Variants in BAG6 observed in about 807,000 individuals in gnomAD.
The protein encoded by BAG6 is BAG cochaperone 6.
In BAG6, 22 loss-of-function variants were observed where a neutral mutation model predicts 121.0. The observed-to-expected ratio is 0.18, with a 90% CI of 0.13 to 0.26. The LOEUF is 0.26. Among genes scored for constraint, BAG6 ranks in the 10% least tolerant of loss-of-function variants. The pLI, the probability that BAG6 is intolerant of heterozygous loss-of-function variation, is 1.00. For synonymous variants in BAG6, 583 were observed against 584.6 expected (o/e 1.00, Z 0.04); for missense variants, 1,233 against 1,537.7 (o/e 0.80, Z 3.31).
chr6:31,642,533 G>A (rs1783960870), intron 15 of BAG6, 130 bp from the exon 16 acceptor site: 3 of 638,094 alleles, frequency 4.7e-6, no homozygotes, highest in South Asian at 1.9e-5. Context: ...GATCTTCACT[G>A]CTTAAAGCAG....
chr6:31,645,534 G>C lies in BAG6; in HGVS notation c.989C>G (p.Thr330Ser), dbSNP rs1323798594. 1 of 1,613,038 alleles carries C rather than the reference G, an allele frequency of 6.2e-7. No individual in the cohort carries two copies. The highest frequency in any genetic ancestry group is 8.5e-7 in the Non-Finnish European group (1 of 1,180,062). The change falls in exon 9 of 26, where the codon ACC (threonine) becomes AGC (serine). Residue 330 changes from threonine to serine, a missense_variant. By Grantham distance (58) the Thr-to-Ser change is moderately conservative (BLOSUM62 1). This residue lies in a region of BAG6 where 777 missense variants were observed against 861.4 expected (regional missense o/e 0.90). Transcript: ENST00000676615. ...GCGCAGGTCAGACAGTGCAACAAAG[G>C]TGTTGCCCAGCAGTCGCAGGCTCTC... ...VGESLRLLGN[T>S]FVALSDLRCN...
intron 25 of BAG6, 93 bp from the exon 26 acceptor site, chr6:31,639,319 TCC>T: frequency 1.4e-6 from 2 of 1,419,656 alleles, no homozygotes; most frequent in South Asian, 1.2e-5. Flanking sequence ...AGCTAACATT[TCC>T]CCCCCCAAGC....
At chr6:31,651,827 A>C in intron 1 of BAG6, 51 bp from the exon 2 acceptor site, 3 of 1,361,624 alleles carry the variant, frequency 2.2e-6, no homozygotes, top group South Asian at 1.2e-5. Flanking sequence ...ACCAGAGTGT[A>C]CCCGAAAGAC....
At chr6:31,648,613 C>G (rs1792843810) in intron 6 of BAG6, 64 bp downstream of exon 6, 2 of 1,547,328 alleles carry the variant, frequency 1.3e-6, no homozygotes, top group African/African-American at 1.4e-5. Flanking sequence ...AGCCCTAACT[C>G]CCAGGCTGAG....
intron 7 of BAG6, among the ~76,000 whole-genome samples, chr6:31,646,780 T>TG (rs1163493642): frequency 9.8e-5 from 13 of 132,698 alleles, no homozygotes; most frequent in East Asian, 4.3e-4. Flanking sequence ...TTTTTTTTTT[T>TG]TTTTTTTTTT....
In BAG6 at chr6:31,640,477, G is replaced by C; in HGVS notation, c.3046C>G (p.Arg1016Gly). Residue 1016 changes from arginine (R) to glycine (G), a missense_variant, in exon 23 of 26, where the codon CGA becomes GGA. By Grantham distance (125) the Arg-to-Gly change is moderately radical. This residue lies in a region of BAG6 where 288 missense variants were observed against 483.1 expected (regional missense o/e 0.60). Coordinates refer to ENST00000676615, the MANE Select transcript of BAG6 (RefSeq NM_001387994.1). This position sits in a 1 kb window ranked among gnomAD's most constrained non-coding sequence, Gnocchi z 4.2. ...PGTTAEEAMS[R>G]GPPPAPEGGS... is the part of the protein sequence containing the mutation. ...CCCTCAGGAGCAGGAGGTGGACCTC[G>C]GGACATGGCCTCTTCTGCTGTTGTT... 1.2e-6 allele frequency: 2 copies of C among 1,613,202 alleles called. No individual in the cohort carries two copies. The highest frequency in any genetic ancestry group is 1.1e-5 in the South Asian group (1 of 91,078).
At chr6:31,650,665 C>CAAAAAAAA (rs1159426518) in intron 2 of BAG6, among the ~76,000 whole-genome samples, 1 of 76,626 alleles carries the variant, frequency 1.3e-5, no homozygotes, top group Non-Finnish European at 2.7e-5. Context: ...AACTCCATCT[C>CAAAAAAAA]AAAAAAAAAA....
rs1796897022 is a variant in BAG6, at chr6:31,651,639, C to T, written c.108+17G>A. On this transcript the variant is annotated intron_variant, in intron 2 of 25. Transcript: ENST00000676615. Reference sequence around the variant, plus strand: ...GAAAAGCTAAAGGTGTCTTCCAGAACTAGTGAGGTGTCTCACCTGGGCCCC... The same window carrying T: ...GAAAAGCTAAAGGTGTCTTCCAGAATTAGTGAGGTGTCTCACCTGGGCCCC... 6.2e-7 allele frequency: 1 copy of T among 1,607,228 alleles called. No individual in the cohort carries two copies. Among genetic ancestry groups the T allele is most frequent in the South Asian group, 1.1e-5 (1 of 90,992 alleles).
chr6:31,649,843 T>C (rs922314138), intron 2 of BAG6, among the ~76,000 whole-genome samples: 1 of 152,232 alleles, frequency 6.6e-6, no homozygotes, highest in African/African-American at 2.4e-5. Context: ...GGCTCACACC[T>C]GTAATCCCAG....
intron 7 of BAG6, 83 bp downstream of exon 7, chr6:31,647,508 C>T: frequency 6.3e-7 from 1 of 1,577,534 alleles, no homozygotes; most frequent in Non-Finnish European, 8.6e-7. Flanking sequence ...GTAATCCTTT[C>T]CCTCCCTTGC....
rs1423407406 is a variant in BAG6, at chr6:31,641,262, C to T, written c.2663-34G>A. 7 of 1,613,982 alleles carry T rather than the reference C, an allele frequency of 4.3e-6. No individual in the cohort carries two copies. The highest frequency in any genetic ancestry group is 2.2e-5 in the East Asian group (1 of 44,886). ...AAAATACAAGGAGGGAATGCTGGCACGTGGCAGCCCTGCACATGCAACAGG... is the reference window on the plus strand; with the variant it reads ...AAAATACAAGGAGGGAATGCTGGCATGTGGCAGCCCTGCACATGCAACAGG... On this transcript the variant is annotated intron_variant, in intron 19 of 25. Transcript: ENST00000676615. The surrounding 1 kb of genome is among the most constrained non-coding windows in gnomAD (Gnocchi z 5.7).
Position 31,649,622 on chromosome 6 carries a change from A to T in BAG6, c.114T>A (p.Asn38Lys). ...TRTFIVGAQM[N>K]VKEFKEHIAA... is the part of the protein sequence containing the mutation. ...CAATGTGCTCCTTAAACTCTTTTAC[A>T]TTCATCTGAAAAGAAGAGGCATGCA... Residue 38 changes from asparagine to lysine, a missense_variant, in exon 3 of 26, where the codon AAT becomes AAA. Asn to Lys is a moderately conservative substitution (Grantham distance 94). Coordinates refer to ENST00000676615, the MANE Select transcript of BAG6 (RefSeq NM_001387994.1). 1.2e-6 allele frequency: 2 copies of T among 1,612,676 alleles called. No homozygotes were observed. Among genetic ancestry groups the T allele is most frequent in the Non-Finnish European group, 1.7e-6 (2 of 1,178,720 alleles).
intron 2 of BAG6, among the ~76,000 whole-genome samples, chr6:31,651,247 T>C (rs3115669): frequency 6.6e-6 from 1 of 152,236 alleles, no homozygotes; most frequent in African/African-American, 2.4e-5. Flanking sequence ...TCAATAAAAA[T>C]AAAATCTGAG....
In BAG6 at chr6:31,642,109, C is replaced by A; in HGVS notation, c.2335+3G>T. 6.2e-7 allele frequency: 1 copy of A among 1,608,622 alleles called. No homozygotes were observed. On this transcript the variant is annotated splice_donor_region_variant and intron_variant, in intron 16 of 25. Coordinates refer to ENST00000676615, the MANE Select transcript of BAG6 (RefSeq NM_001387994.1). Reference sequence around the variant, plus strand: ...AGCAAGCCAAAGCATCCTTTTTGCTCACCAAGGGCCCCATCAGCTCCAGGC... The same window carrying A: ...AGCAAGCCAAAGCATCCTTTTTGCTAACCAAGGGCCCCATCAGCTCCAGGC...
chr6:31,649,660 G>A lies in BAG6; in HGVS notation c.109-33C>T, dbSNP rs201191412. 2.1e-4 allele frequency: 336 copies of A among 1,577,180 alleles called. 3 individuals carry two copies. The Admixed American group carries it at 5.6e-3, about 26-fold the overall frequency. ...GAAGAGGCATGCACAGGAATGGAAA[G>A]AATGGAGGAAAGAGGAAGAACAAAG... On this transcript the variant is annotated intron_variant, in intron 2 of 25. Coordinates refer to ENST00000676615, the MANE Select transcript of BAG6 (RefSeq NM_001387994.1).
chr6:31,649,114 T>G, intron 4 of BAG6, 85 bp downstream of exon 4: 1 of 1,562,474 alleles, frequency 6.4e-7, no homozygotes, highest in Non-Finnish European at 8.8e-7. Context: ...AATCTAAAGA[T>G]GGAAGCATCT....
intron 14 of BAG6, among the ~76,000 whole-genome samples, 170 bp downstream of exon 14, chr6:31,643,720 T>G (rs1284769192): frequency 1.2e-3 from 12 of 9,670 alleles, no homozygotes; most frequent in Admixed American, 6.8e-3. Context: ...AGACTCCATC[T>G]CAAAAAAAAA....
Position 31,644,870 on chromosome 6 carries a change from C to A in BAG6, c.1369+76G>T. On this transcript the variant is annotated intron_variant, in intron 10 of 25. Transcript: ENST00000676615. This position sits in a 1 kb window ranked among gnomAD's most constrained non-coding sequence, Gnocchi z 4.9. ...CCAGCATGTGCCTCTCCCTTCCCCA[C>A]CCTGTTCCCTCACACCTCAGCATGA... 6.5e-7 allele frequency: 1 copy of A among 1,533,950 alleles called. No individual in the cohort carries two copies. Among genetic ancestry groups the A allele is most frequent in the Non-Finnish European group, 8.8e-7 (1 of 1,141,184 alleles).
intron 25 of BAG6, 120 bp from the exon 26 acceptor site, chr6:31,639,346 C>G (rs1319746998): frequency 6.9e-7 from 1 of 1,441,552 alleles, no homozygotes; most frequent in Non-Finnish European, 9.6e-7. Flanking sequence ...TGTCAAATAG[C>G]CCGGGGTGGC....
Sources: gnomAD v4.1 joint callset for allele counts (sites outside exome capture counted in the v4.1 genomes callset) on GRCh38, gnomAD v4.1.1 for gene constraint, gnomAD v4.1.1 regional missense constraint, Gnocchi (gnomAD v3.1) non-coding constraint, MANE v1.5 for transcripts, NCBI Gene and HGNC (gene_info 2026-07-23, HGNC 2026-07-21) for gene names.